Variants in PCDHA5 observed in about 807,000 individuals in gnomAD.
PCDHA5 encodes the protein protocadherin alpha-5.
A neutral mutation model predicts 61.6 loss-of-function variants in PCDHA5; 43 were observed. That is an observed-to-expected ratio of 0.70 (90% CI 0.55 to 0.90). PCDHA5 has a LOEUF of 0.90. Among genes scored for constraint, PCDHA5 ranks in the 40% least tolerant of loss-of-function variants. The pLI is 0.00. For missense variants in PCDHA5, 1,298 were observed against 1,222.7 expected (o/e 1.06, Z -0.92); for synonymous variants, 627 against 543.9 (o/e 1.15, Z -2.13).
intron 1 of PCDHA5, among the ~76,000 whole-genome samples, chr5:140,963,794 A>G (rs2095791576): frequency 6.6e-6 from 1 of 152,248 alleles, no homozygotes; most frequent in Non-Finnish European, 1.5e-5. Flanking sequence ...ACAATAATGT[A>G]CTTAACTAGT....
chr5:140,882,985 C>T (rs1554176359), intron 1 of PCDHA5: 14 of 1,614,110 alleles, frequency 8.7e-6, no homozygotes, highest in Non-Finnish European at 1.1e-5. Flanking sequence ...ATGACAACGC[C>T]CCGGAATTTT....
intron 1 of PCDHA5, among the ~76,000 whole-genome samples, chr5:140,946,611 A>AATATATATATATATATATATAT (rs1554217734): frequency 0.012 from 1,017 of 86,324 alleles, 26 homozygotes; most frequent in Middle Eastern, 0.016. Flanking sequence ...GAAAATGTGA[A>AATATATATATATATATATATAT]ATATATATAT....
chr5:140,823,464 G>C lies in PCDHA5; in HGVS notation c.1689G>C (p.Ala563=). ...TGGACGAGAACGACAACGCGCCGGC[G>C]CTGCTGGTGCCTCGAGTGGGTGGCA... is the stretch of plus-strand genomic sequence containing the variant. ...FVLDENDNAP[A]LLVPRVGGTG... Residue 563 remains alanine (A), a synonymous_variant, in exon 1 of 4, where the codon GCG becomes GCC. Coordinates refer to ENST00000529859, the MANE Select transcript of PCDHA5 (RefSeq NM_018908.3). 6.2e-7 allele frequency: 1 copy of C among 1,613,420 alleles called. No homozygotes were observed. The highest frequency in any genetic ancestry group is 8.5e-7 in the Non-Finnish European group (1 of 1,179,746).
At chr5:140,837,780 G>A (rs1024402142) in intron 1 of PCDHA5, among the ~76,000 whole-genome samples, 3 of 151,682 alleles carry the variant, frequency 2.0e-5, no homozygotes, top group Admixed American at 6.6e-5. Context: ...GGGCTCACAG[G>A]ATCCTCCCAT....
intron 1 of PCDHA5, among the ~76,000 whole-genome samples, chr5:140,940,974 A>G (rs1206597858): frequency 6.6e-6 from 1 of 152,220 alleles, no homozygotes; most frequent in Non-Finnish European, 1.5e-5. Flanking sequence ...GATATCTGGT[A>G]TCTAGTTACA....
intron 1 of PCDHA5, among the ~76,000 whole-genome samples, chr5:140,962,930 C>T (rs2095720492): frequency 6.6e-6 from 1 of 152,144 alleles, no homozygotes; most frequent in Admixed American, 6.5e-5. Context: ...TACTTCTCAA[C>T]CTCCTCTCCA....
In PCDHA5 at chr5:140,869,699, C is replaced by A. The variant is rs10071369; in HGVS notation, c.2352+45572C>A. On this transcript the variant is annotated intron_variant, in intron 1 of 3. Transcript: ENST00000529859. ...AGACTGTCACTTATTTTAAAGAAGTCTCTGGATAGAGAGAAAACTCCGGAA... is the reference window on the plus strand; with the variant it reads ...AGACTGTCACTTATTTTAAAGAAGTATCTGGATAGAGAGAAAACTCCGGAA... 1,310 of 1,613,374 alleles carry A rather than the reference C, an allele frequency of 8.1e-4. 10 individuals carry two copies. In the African/African-American group the frequency reaches 0.014, roughly 18 times the overall value.
chr5:140,830,286 G>A (rs1434180043), intron 1 of PCDHA5: 3 of 1,613,856 alleles, frequency 1.9e-6, no homozygotes, highest in Admixed American at 1.7e-5. Context: ...GAGGGCGCGT[G>A]CACGGCGGAC....
chr5:140,868,968 C>G (rs782210353), intron 1 of PCDHA5: 16 of 1,446,356 alleles, frequency 1.1e-5, no homozygotes, highest in Middle Eastern at 2.0e-4. Flanking sequence ...TACAAAGGAA[C>G]TCCATCATAC....
intron 1 of PCDHA5, among the ~76,000 whole-genome samples, chr5:140,844,656 C>T (rs1473422243): frequency 6.7e-6 from 1 of 149,316 alleles, no homozygotes; most frequent in African/African-American, 2.5e-5. Flanking sequence ...TTCTTGCAAA[C>T]CAAACATATA....
intron 1 of PCDHA5, chr5:140,864,727 A>T (rs1456631288): frequency 1.3e-5 from 2 of 152,180 alleles, no homozygotes; most frequent in African/African-American, 4.8e-5. Context: ...TTTTGGGAAG[A>T]TTTCTTTGAG....
At chr5:140,909,169 A>G (rs545864609) in intron 1 of PCDHA5, among the ~76,000 whole-genome samples, 1 of 152,356 alleles carries the variant, frequency 6.6e-6, no homozygotes, top group African/African-American at 2.4e-5. Context: ...AAATCAATCA[A>G]GTTCTCTCCA....
rs186269491 is a variant in PCDHA5, at chr5:140,841,020, C to A, written c.2352+16893C>A. Among the ~76,000 whole-genome samples, 45 of 152,032 alleles carry A rather than the reference C, an allele frequency of 3.0e-4. 2 individuals carry two copies. The highest frequency in any genetic ancestry group is 9.9e-4 in the African/African-American group (41 of 41,434). On this transcript the variant is annotated intron_variant, in intron 1 of 3. Coordinates refer to ENST00000529859, the MANE Select transcript of PCDHA5 (RefSeq NM_018908.3). ...TGTAAGGAGCCAGACAGTATGAATG[C>A]CTCTGCAATTGATAAAGTTAAGGAT...
intron 1 of PCDHA5, among the ~76,000 whole-genome samples, chr5:140,889,903 A>G (rs2062424264): frequency 6.6e-6 from 1 of 152,126 alleles, no homozygotes; most frequent in African/African-American, 2.4e-5. Flanking sequence ...CTACCTTGAG[A>G]TTGTCATACT....
chr5:140,836,346 G>A, intron 1 of PCDHA5: 2 of 1,613,696 alleles, frequency 1.2e-6, no homozygotes, highest in Admixed American at 1.7e-5. Context: ...GAAGGACCAC[G>A]GGGAGCCCTC....
chr5:140,855,923 A>C (rs1424860955), intron 1 of PCDHA5: 25 of 1,229,030 alleles, frequency 2.0e-5, no homozygotes, highest in Non-Finnish European at 2.7e-5. Context: ...ACTAGGAAGT[A>C]GCGTCATTCT....
At chr5:140,857,245 C>T (rs1411907706) in intron 1 of PCDHA5, 5 of 1,598,612 alleles carry the variant, frequency 3.1e-6, no homozygotes, top group Non-Finnish European at 4.3e-6. Context: ...TGGTGTCCAC[C>T]TACAAGAATT....
intron 1 of PCDHA5, chr5:140,883,107 C>T: frequency 6.2e-7 from 1 of 1,614,064 alleles, no homozygotes. Context: ...ATAGTTTACT[C>T]ATTTAGAAGG....
At chr5:140,835,399 A>T (rs1562344982) in intron 1 of PCDHA5, 1 of 1,613,824 alleles carries the variant, frequency 6.2e-7, no homozygotes, top group Non-Finnish European at 8.5e-7. Context: ...GTTCTTGTGG[A>T]AGTTGTGGAT....
Sources: allele counts gnomAD v4.1 joint callset (sites outside exome capture counted in the v4.1 genomes callset), GRCh38; gene constraint gnomAD v4.1.1; transcripts MANE v1.5; gene names NCBI Gene and HGNC (gene_info 2026-07-23, HGNC 2026-07-21).